TMX2: variants seen among roughly 807,000 people sequenced by gnomAD.
The protein encoded by TMX2 is thioredoxin-related transmembrane protein 2.
A neutral mutation model predicts 33.4 loss-of-function variants in TMX2; 20 were observed. That is an observed-to-expected ratio of 0.60 (90% confidence interval 0.42 to 0.87). The LOEUF is 0.87. Among genes scored for constraint, TMX2 ranks in the 40% least tolerant of loss-of-function variants. The pLI, the probability that TMX2 is intolerant of heterozygous loss-of-function variation, is 0.00. For missense variants in TMX2, 340 were observed against 370.7 expected, an observed-to-expected ratio of 0.92 and a Z score of 0.68; for synonymous variants, 166 against 140.7, an observed-to-expected ratio of 1.18 and a Z score of -1.27.
chr11:57,724,577 C>T (rs998098584), intron 1 of TMX2, among the ~76,000 whole-genome samples: 1 of 151,274 alleles, frequency 6.6e-6, no homozygotes, highest in Non-Finnish European at 1.5e-5. Flanking sequence ...AACGCAAACC[C>T]TTTGTACCAG....
At chr11:57,739,970 G>A in intron 7 of TMX2, 129 bp from the exon 8 acceptor site, 1 of 1,303,208 alleles carries the variant, frequency 7.7e-7, no homozygotes, top group South Asian at 1.4e-5. Flanking sequence ...AAAGAGGAAG[G>A]TTAGGGAAGA....
chr11:57,728,897 C>G (rs569503690), intron 1 of TMX2, among the ~76,000 whole-genome samples: 5 of 151,992 alleles, frequency 3.3e-5, no homozygotes, highest in African/African-American at 1.2e-4. Context: ...TCCCCAAAAA[C>G]AATTAATTTA....
chr11:57,719,273 G>C (rs984291784), intron 1 of TMX2, among the ~76,000 whole-genome samples: 3 of 151,166 alleles, frequency 2.0e-5, no homozygotes, highest in African/African-American at 7.3e-5. Context: ...CTGAACTCGT[G>C]ATCCAGCTGC....
At chr11:57,727,095 C>A (rs1948054486) in intron 1 of TMX2, among the ~76,000 whole-genome samples, 1 of 152,068 alleles carries the variant, frequency 6.6e-6, no homozygotes, top group African/African-American at 2.4e-5. Flanking sequence ...ATGCCAGATA[C>A]AGCAAAAGGC....
chr11:57,716,946 T>TG (rs1947143694), intron 1 of TMX2, among the ~76,000 whole-genome samples: 1 of 140,796 alleles, frequency 7.1e-6, no homozygotes, highest in South Asian at 2.3e-4. Context: ...ACTTCTCAGA[T>TG]GGGGCGGATG....
rs553684873 is a variant in TMX2 at position 57,740,340 on chromosome 11, T to A, written c.*95T>A. The A allele has an allele frequency of 3.5e-6, 5 of 1,411,666 alleles. No individual in the cohort carries two copies. The South Asian group carries it at 6.0e-5, about 17-fold the overall frequency. 87.4% of individuals were successfully genotyped at this position (1,411,666 alleles called of 1,614,324 possible). On this transcript the variant is annotated 3_prime_UTR_variant, in exon 8 of 8. Transcript: ENST00000278422. ...TGCAGCCTTTTATTTATGTTTTCCCTTTGGCTGTGACTGGGTGGGGCAGCA... is the reference window on the plus strand; with the variant it reads ...TGCAGCCTTTTATTTATGTTTTCCCATTGGCTGTGACTGGGTGGGGCAGCA...
chr11:57,738,314 G>T, intron 3 of TMX2, 40 bp from the exon 4 acceptor site: 1 of 1,467,960 alleles, frequency 6.8e-7, no homozygotes, highest in Non-Finnish European at 9.5e-7. Flanking sequence ...CCTGTGTAAG[G>T]CTTTTTATGT....
At chr11:57,739,334 A>AT in intron 7 of TMX2, 74 bp downstream of exon 7, 1 of 1,537,890 alleles carries the variant, frequency 6.5e-7, no homozygotes, top group Non-Finnish European at 9.0e-7. Context: ...CCCGGGTTTG[A>AT]TTCACAGCTC....
At chr11:57,730,449 AAAAAAG>A (rs1353879357) in intron 1 of TMX2, among the ~76,000 whole-genome samples, 2 of 141,542 alleles carry the variant, frequency 1.4e-5, no homozygotes, top group Non-Finnish European at 3.0e-5. Flanking sequence ...AAAAAAAAAA[AAAAAAG>A]GCCAGGCATG....
At chr11:57,716,171 G>A (rs890947207) in intron 1 of TMX2, among the ~76,000 whole-genome samples, 20 of 151,648 alleles carry the variant, frequency 1.3e-4, no homozygotes, top group Non-Finnish European at 1.6e-4. Context: ...GGGCAGAGGC[G>A]CCCCTCACCT....
chr11:57,730,672 A>T (rs1263987544), intron 1 of TMX2, among the ~76,000 whole-genome samples: 2 of 152,096 alleles, frequency 1.3e-5, no homozygotes, highest in African/African-American at 4.8e-5. Context: ...CAGGAGGCGG[A>T]GGTTGCAGTG....
At chr11:57,719,024 TA>T (rs1287978484) in intron 1 of TMX2, among the ~76,000 whole-genome samples, 10 of 111,884 alleles carry the variant, frequency 8.9e-5, no homozygotes, top group Non-Finnish European at 1.5e-4. Flanking sequence ...TCAGGCCATA[TA>T]TATATATATT....
chr11:57,738,539 G>A, intron 4 of TMX2, 109 bp downstream of exon 4: 1 of 1,212,768 alleles, frequency 8.2e-7, no homozygotes, highest in Non-Finnish European at 1.2e-6. Context: ...GATGTCACGG[G>A]CACTGTGGTT....
At chr11:57,716,062 A>T (rs1367778130) in intron 1 of TMX2, among the ~76,000 whole-genome samples, 8 of 151,942 alleles carry the variant, frequency 5.3e-5, no homozygotes, top group Non-Finnish European at 1.2e-4. Context: ...CAAAACCGCC[A>T]TTGTCATCCC....
At chr11:57,716,452 C>G (rs1344705967) in intron 1 of TMX2, among the ~76,000 whole-genome samples, 7 of 135,952 alleles carry the variant, frequency 5.1e-5, no homozygotes, top group African/African-American at 1.4e-4. Context: ...CTGACCCCCC[C>G]ACCTCCCTCC....
intron 1 of TMX2, among the ~76,000 whole-genome samples, chr11:57,729,043 C>T (rs1286186141): frequency 6.6e-6 from 1 of 152,028 alleles, no homozygotes; most frequent in East Asian, 1.9e-4. Context: ...GGAGTCCTGC[C>T]TGCAAGCAGC....
At chr11:57,718,624 C>A in intron 1 of TMX2, 1 of 412,556 alleles carries the variant, frequency 2.4e-6, no homozygotes, top group Non-Finnish European at 4.4e-6. Flanking sequence ...TGTTTTCCTC[C>A]ATTCATTTAT....
At chr11:57,717,059 C>T (rs1213984941) in intron 1 of TMX2, among the ~76,000 whole-genome samples, 19 of 148,868 alleles carry the variant, frequency 1.3e-4, no homozygotes, top group African/African-American at 3.9e-4. Flanking sequence ...CCTCACATCC[C>T]GGACGGGGCG....
chr11:57,716,580 TC>T (rs1276523545), intron 1 of TMX2, among the ~76,000 whole-genome samples: 5 of 78,330 alleles, frequency 6.4e-5, no homozygotes, highest in Non-Finnish European at 1.2e-4. Flanking sequence ...TGACCCCACC[TC>T]CCTCCCGGAC....
Sources: allele counts gnomAD v4.1 joint callset (sites outside exome capture counted in the v4.1 genomes callset), GRCh38; gene constraint gnomAD v4.1.1; transcripts MANE v1.5; gene names NCBI Gene and HGNC (gene_info 2026-07-23, HGNC 2026-07-21).